The following MAST4 variants were observed in gnomAD, a reference collection of about 807,000 sequenced individuals.
MAST4 encodes microtubule-associated serine/threonine-protein kinase 4.
Under a neutral mutation model 162.7 loss-of-function variants are expected in MAST4, and 89 were observed. The ratio of observed to expected loss-of-function variants is 0.55; its 90% CI spans 0.46 to 0.65. The LOEUF is 0.65. MAST4 is among the 30% of genes least tolerant of loss of function. The pLI is 0.00. For synonymous variants in MAST4, 1,479 were observed against 1,361.1 expected, an observed-to-expected ratio of 1.09 and a Z score of -1.91; for missense variants, 3,153 against 3,374.0, an observed-to-expected ratio of 0.93 and a Z score of 1.62.
At chr5:67,003,066 C>T (rs146652883) in intron 4 of MAST4, among the ~76,000 whole-genome samples, 76 of 150,816 alleles carry the variant, frequency 5.0e-4, no homozygotes, top group African/African-American at 1.7e-3. Context: ...GAAACTGCTC[C>T]GGAGCACAGG....
chr5:67,113,634 G>A (rs997843124), intron 11 of MAST4, among the ~76,000 whole-genome samples: 11 of 152,098 alleles, frequency 7.2e-5, no homozygotes, highest in African/African-American at 2.7e-4. Flanking sequence ...TCTATATTAA[G>A]AGAGTCTCCT....
chr5:66,625,180 G>T lies in MAST4; in HGVS notation c.363+28162G>T, dbSNP rs1043654742. On this transcript the variant is annotated intron_variant, in intron 1 of 28. Transcript: ENST00000403625. ...GTTCCTTTCCTTCATGTGTGCGTGTGTGTGTCTTCTCCAGCAAGATTATAT... is the reference window on the plus strand; with the variant it reads ...GTTCCTTTCCTTCATGTGTGCGTGTTTGTGTCTTCTCCAGCAAGATTATAT... Among the ~76,000 whole-genome samples, 9 of 152,148 alleles carry T rather than the reference G, an allele frequency of 5.9e-5. 1 individual carries two copies. The highest frequency in any genetic ancestry group is 2.2e-4 in the African/African-American group (9 of 41,412).
chr5:66,953,852 A>T (rs189170329), intron 4 of MAST4, among the ~76,000 whole-genome samples: 1 of 152,306 alleles, frequency 6.6e-6, no homozygotes, highest in Admixed American at 6.5e-5. Context: ...GTTCAGCGGC[A>T]TCCCTGGCCT....
intron 2 of MAST4, among the ~76,000 whole-genome samples, chr5:66,787,347 C>A (rs192920589): frequency 6.6e-6 from 1 of 152,174 alleles, no homozygotes; most frequent in Non-Finnish European, 1.5e-5. Context: ...TGTGCTTTCA[C>A]TCTATAATAA....
intron 1 of MAST4, among the ~76,000 whole-genome samples, chr5:66,752,745 A>C (rs1182262196): frequency 6.7e-6 from 1 of 148,332 alleles, no homozygotes; most frequent in Non-Finnish European, 1.5e-5. Context: ...ACAAGACAGA[A>C]AGTCAACAAG....
intron 3 of MAST4, among the ~76,000 whole-genome samples, chr5:66,839,808 G>C (rs1758288766): frequency 6.6e-6 from 1 of 152,104 alleles, no homozygotes; most frequent in Non-Finnish European, 1.5e-5. Context: ...CAAGATTTTT[G>C]TTCCATTTGA....
At chr5:66,896,513 AGGG>A (rs1762693778) in intron 3 of MAST4, among the ~76,000 whole-genome samples, 1 of 152,236 alleles carries the variant, frequency 6.6e-6, no homozygotes, top group African/African-American at 2.4e-5. Flanking sequence ...CATTTGAAGA[AGGG>A]AGTATCTACA....
chr5:67,115,902 GA>G (rs1654227627), intron 12 of MAST4, among the ~76,000 whole-genome samples: 1 of 151,978 alleles, frequency 6.6e-6, no homozygotes, highest in African/African-American at 2.4e-5. Flanking sequence ...AAAATAGTTG[GA>G]ATGGGGGAGG....
chr5:66,746,023 C>A (rs989191682), intron 1 of MAST4, among the ~76,000 whole-genome samples: 2 of 152,250 alleles, frequency 1.3e-5, no homozygotes, highest in Admixed American at 6.5e-5. Flanking sequence ...GGTCTGCGTT[C>A]GTGCACCAGT....
intron 7 of MAST4, among the ~76,000 whole-genome samples, chr5:67,099,260 A>G (rs1370417827): frequency 6.6e-6 from 1 of 152,060 alleles, no homozygotes; most frequent in Non-Finnish European, 1.5e-5. Context: ...GGCCATGACT[A>G]TACTTACTGA....
At chr5:66,628,745 A>G (rs573204038) in intron 1 of MAST4, among the ~76,000 whole-genome samples, 4 of 152,298 alleles carry the variant, frequency 2.6e-5, no homozygotes, top group African/African-American at 7.2e-5. Context: ...ATTTCGTAGC[A>G]TTATAACAGC....
intron 2 of MAST4, among the ~76,000 whole-genome samples, chr5:66,763,367 A>G (rs1446822142): frequency 6.6e-6 from 1 of 152,224 alleles, no homozygotes; most frequent in Non-Finnish European, 1.5e-5. Context: ...GGCAATTAGT[A>G]CATATTTAAA....
intron 1 of MAST4, among the ~76,000 whole-genome samples, chr5:66,722,370 C>T (rs565848981): frequency 4.6e-5 from 7 of 151,736 alleles, no homozygotes; most frequent in African/African-American, 9.7e-5. Context: ...AAGTCTTCAC[C>T]GAAAGTTATC....
chr5:66,909,176 G>C (rs1763578895), intron 4 of MAST4, among the ~76,000 whole-genome samples: 1 of 152,066 alleles, frequency 6.6e-6, no homozygotes, highest in African/African-American at 2.4e-5. Context: ...GGTGTGAAAG[G>C]GGCAGTTGAC....
chr5:67,024,361 A>G (rs1054344819), intron 4 of MAST4, among the ~76,000 whole-genome samples: 1 of 149,900 alleles, frequency 6.7e-6, no homozygotes, highest in South Asian at 2.1e-4. Flanking sequence ...ACATACATAT[A>G]GATAGCTATA....
chr5:66,954,140 C>T (rs1286295223), intron 4 of MAST4, among the ~76,000 whole-genome samples: 1 of 152,134 alleles, frequency 6.6e-6, no homozygotes, highest in Non-Finnish European at 1.5e-5. Flanking sequence ...CAATGTCCCC[C>T]CACAACCCAC....
chr5:66,650,719 A>C (rs1194391979), intron 1 of MAST4, among the ~76,000 whole-genome samples: 1 of 152,202 alleles, frequency 6.6e-6, no homozygotes, highest in African/African-American at 2.4e-5. Flanking sequence ...CACACATGGA[A>C]TACTCTAATA....
chr5:66,739,035 C>G (rs994561196), intron 1 of MAST4, among the ~76,000 whole-genome samples: 1 of 151,836 alleles, frequency 6.6e-6, no homozygotes, highest in Non-Finnish European at 1.5e-5. Context: ...GCTTAATTAG[C>G]TACCGTGATG....
intron 3 of MAST4, among the ~76,000 whole-genome samples, chr5:66,821,673 C>T (rs1376901035): frequency 6.6e-6 from 1 of 152,146 alleles, no homozygotes; most frequent in African/African-American, 2.4e-5. Flanking sequence ...TCAGAGTGAA[C>T]ATTAATGCTG....
Sources: gnomAD v4.1 joint callset for allele counts (sites outside exome capture counted in the v4.1 genomes callset) on GRCh38, gnomAD v4.1.1 for gene constraint, MANE v1.5 for transcripts, NCBI Gene and HGNC (gene_info 2026-07-23, HGNC 2026-07-21) for gene names.